Variants in PRKN observed in about 807,000 individuals in gnomAD.
PRKN encodes the protein parkin RBR E3 ubiquitin protein ligase.
In PRKN, 56 loss-of-function variants were observed where a neutral mutation model predicts 59.5. The observed-to-expected ratio is 0.94, with a 90% CI of 0.76 to 1.18. The LOEUF (loss-of-function observed/expected upper bound fraction) is 1.18, where lower values mean the gene tolerates loss of function less well. Ranked by LOEUF, PRKN falls within the 50% of genes most tolerant of loss-of-function variation. PRKN has a pLI of 0.00. For missense variants in PRKN, 657 were observed against 596.4 expected (o/e 1.10, Z -1.06); for synonymous variants, 250 against 222.1 (o/e 1.13, Z -1.12).
rs118006506 is a variant in PRKN at position 161,477,122 on chromosome 6, C to T, written c.1083+71732G>A. 9.5e-4 allele frequency among the ~76,000 whole-genome samples: 145 copies of T among 152,298 alleles called. 3 individuals are homozygous for T. The East Asian group carries it at 0.023, about 24-fold the overall frequency. ...AGAGAATGCTGTTCCTGTGTAGTTT[C>T]CTACCCAGCATTTTGAAAAGATATT... On this transcript the variant is annotated intron_variant, in intron 9 of 11. Coordinates refer to ENST00000366898, the MANE Select transcript of PRKN (RefSeq NM_004562.3).
At chr6:162,205,963 G>A (rs1257184661) in intron 3 of PRKN, among the ~76,000 whole-genome samples, 1 of 152,068 alleles carries the variant, frequency 6.6e-6, no homozygotes. Flanking sequence ...CTGACAACGC[G>A]GAGACTCACT....
rs576936815 is a variant in PRKN, at chr6:161,881,876, C to T, written c.734+91426G>A. On this transcript the variant is annotated intron_variant, in intron 6 of 11. Transcript: ENST00000366898. Reference sequence around the variant, plus strand: ...CAGAGGTTCTGGAGCATCTTCTAGGCCTTTCTCTTTTCTGATGCTGATAGG... The same window carrying T: ...CAGAGGTTCTGGAGCATCTTCTAGGTCTTTCTCTTTTCTGATGCTGATAGG... Among the ~76,000 whole-genome samples, 46 of 152,244 alleles carry T rather than the reference C, an allele frequency of 3.0e-4. 1 individual carries two copies. Among genetic ancestry groups the T allele is most frequent in the African/African-American group, 1.0e-3 (43 of 41,548 alleles).
chr6:162,136,179 G>C (rs894278692), intron 4 of PRKN, among the ~76,000 whole-genome samples: 6 of 150,924 alleles, frequency 4.0e-5, no homozygotes, highest in Admixed American at 1.3e-4. Context: ...TATAGAAATT[G>C]TATAGGTATA....
At chr6:161,991,521 T>A (rs1459448662) in intron 5 of PRKN, among the ~76,000 whole-genome samples, 1 of 152,170 alleles carries the variant, frequency 6.6e-6, no homozygotes, top group Admixed American at 6.5e-5. Context: ...CCATAAAAGA[T>A]AATAAATGGC....
At chr6:162,624,117 G>A (rs918631818) in intron 1 of PRKN, among the ~76,000 whole-genome samples, 3 of 151,752 alleles carry the variant, frequency 2.0e-5, no homozygotes, top group African/African-American at 7.3e-5. Flanking sequence ...GCATGGTGCC[G>A]CATCCCTGTA....
At chr6:161,942,173 G>C (rs1347953345) in intron 6 of PRKN, among the ~76,000 whole-genome samples, 1 of 152,090 alleles carries the variant, frequency 6.6e-6, no homozygotes, top group Non-Finnish European at 1.5e-5. Context: ...AACCACAGGG[G>C]CCTCTGGGGA....
intron 1 of PRKN, among the ~76,000 whole-genome samples, chr6:162,492,257 A>C (rs1054170181): frequency 6.6e-6 from 1 of 152,208 alleles, no homozygotes; most frequent in East Asian, 1.9e-4. Context: ...AGGGGAAATA[A>C]TTTGCATTGA....
chr6:161,887,448 T>C (rs1274035431), intron 6 of PRKN, among the ~76,000 whole-genome samples: 1 of 152,224 alleles, frequency 6.6e-6, no homozygotes, highest in Non-Finnish European at 1.5e-5. Context: ...CTATAAATCC[T>C]ATTTGTACCA....
chr6:161,537,133 T>G (rs6928997), intron 9 of PRKN, among the ~76,000 whole-genome samples: 36,857 of 152,174 alleles, frequency 0.24, 5,350 homozygotes, highest in East Asian at 0.49. Flanking sequence ...TGATTTAGAT[T>G]TCTTTCTTTC....
chr6:161,353,739 A>T lies in PRKN; in HGVS notation c.1286-3528T>A, dbSNP rs1423979717. Among the ~76,000 whole-genome samples the T allele has an allele frequency of 6.6e-6, 1 of 152,212 alleles. No individual in the cohort carries two copies. Among genetic ancestry groups the T allele is most frequent in the African/African-American group, 2.4e-5 (1 of 41,458 alleles). The stretch of plus-strand genomic sequence containing the variant: ...GTCATGGGAATCTCAACTTGAAGCC[A>T]GTCGATCAGAACTTCCGGAAGCCCA... On this transcript the variant is annotated intron_variant, in intron 11 of 11. Coordinates refer to ENST00000366898, the MANE Select transcript of PRKN (RefSeq NM_004562.3). This position sits in a 1 kb window ranked among gnomAD's most constrained non-coding sequence, Gnocchi z 4.8.
chr6:162,456,966 C>T (rs1235947829), intron 1 of PRKN, among the ~76,000 whole-genome samples: 2 of 152,068 alleles, frequency 1.3e-5, no homozygotes, highest in African/African-American at 4.8e-5. Context: ...TAAAAAGCAC[C>T]AAAATATGAA....
intron 9 of PRKN, among the ~76,000 whole-genome samples, chr6:161,531,595 GAGA>G (rs1481902362): frequency 1.3e-5 from 2 of 152,072 alleles, no homozygotes; most frequent in Non-Finnish European, 2.9e-5. Context: ...AGGCTCAAAG[GAGA>G]AGATTTTCTC....
intron 4 of PRKN, among the ~76,000 whole-genome samples, chr6:162,107,144 T>A (rs1780222748): frequency 6.6e-6 from 1 of 152,020 alleles, no homozygotes; most frequent in Admixed American, 6.6e-5. Flanking sequence ...AACTCTTGAG[T>A]GAGTACCAAG....
intron 6 of PRKN, among the ~76,000 whole-genome samples, chr6:161,873,129 G>C (rs1180528573): frequency 6.6e-6 from 1 of 151,798 alleles, no homozygotes; most frequent in East Asian, 1.9e-4. Context: ...CAATGAATCT[G>C]TGCTGAGTCC....
At chr6:162,682,278 A>G (rs1779799624) in intron 1 of PRKN, among the ~76,000 whole-genome samples, 1 of 152,082 alleles carries the variant, frequency 6.6e-6, no homozygotes, top group East Asian at 1.9e-4. Context: ...AGGAATATAA[A>G]TTGTCCTACC....
intron 2 of PRKN, among the ~76,000 whole-genome samples, chr6:162,390,375 G>GGATATATATATATATATATATATA (rs1554312722): frequency 1.0e-5 from 1 of 98,842 alleles, no homozygotes; most frequent in Non-Finnish European, 1.9e-5. Flanking sequence ...TACTGCTAAG[G>GGATATATATATATATATATATATA]TATATATATA....
At chr6:162,331,356 T>C (rs1783563050) in intron 2 of PRKN, among the ~76,000 whole-genome samples, 1 of 152,190 alleles carries the variant, frequency 6.6e-6, no homozygotes, top group Admixed American at 6.5e-5. Context: ...TGGGTTTAAC[T>C]TTCCTTTCAG....
At chr6:162,312,954 T>A (rs1042969989) in intron 2 of PRKN, among the ~76,000 whole-genome samples, 1 of 152,068 alleles carries the variant, frequency 6.6e-6, no homozygotes, top group East Asian at 1.9e-4. Context: ...AAAATATAAT[T>A]TGAAGGATTT....
intron 4 of PRKN, among the ~76,000 whole-genome samples, chr6:162,158,282 C>T (rs187061300): frequency 9.2e-5 from 14 of 152,124 alleles, no homozygotes; most frequent in African/African-American, 1.9e-4. Flanking sequence ...AAATGTTACA[C>T]GCTGAGCCTC....
Sources: gnomAD v4.1 joint callset for allele counts (sites outside exome capture counted in the v4.1 genomes callset) on GRCh38, gnomAD v4.1.1 for gene constraint, Gnocchi (gnomAD v3.1) non-coding constraint, MANE v1.5 for transcripts, NCBI Gene and HGNC (gene_info 2026-07-23, HGNC 2026-07-21) for gene names.